The following DST variants were observed in gnomAD, a reference collection of about 807,000 sequenced individuals.
DST encodes bullous pemphigoid antigen.
In DST, 253 loss-of-function variants were observed where a neutral mutation model predicts 875.2. The ratio of observed to expected loss-of-function variants is 0.29; its 90% CI spans 0.26 to 0.32. The LOEUF (loss-of-function observed/expected upper bound fraction) is 0.32. Ranked by LOEUF, DST falls within the 10% of genes least tolerant of loss-of-function variation. The probability of loss-of-function intolerance (pLI) is 1.00; values close to 1 mark genes in which losing one functional copy is unlikely to be tolerated. For synonymous variants in DST, 3,124 were observed against 3,197.1 expected (o/e 0.98, Z 0.77); for missense variants, 8,287 against 9,111.6 (o/e 0.91, Z 3.68).
Position 56,634,919 on chromosome 6 carries a change from G to A in DST, c.3221C>T (p.Thr1074Ile). The A allele has an allele frequency of 6.2e-7, 1 of 1,613,248 alleles. No individual in the cohort carries two copies. The highest frequency in any genetic ancestry group is 8.5e-7 in the Non-Finnish European group (1 of 1,179,580). The stretch of plus-strand genomic sequence containing the variant: ...TGCTTTTCCCATTAGGTTTGCTATA[G>A]TGCTTTTGTACTGCAGAAGTTCTTC... ...EKEELLQYKS[T>I]IANLMGKAKT... Residue 1074 changes from threonine (T) to isoleucine (I), a missense_variant, in exon 25 of 104, where the codon ACT (threonine) becomes ATT (isoleucine). Around this residue, in one of 10 missense-constraint regions of DST, gnomAD observed 1,160 missense variants for 1,424.3 expected, o/e 0.81. Coordinates refer to ENST00000680361, the MANE Select transcript of DST (RefSeq NM_001374736.1).
At position 56,504,084 on chromosome 6, in the gene DST, C is replaced by A. The variant is rs1397277449; in HGVS notation, c.19479G>T (p.Trp6493Cys). The change falls in exon 78 of 104, where the codon TGG (tryptophan) becomes TGT (cysteine). Residue 6493 changes from tryptophan to cysteine, a missense_variant. This residue lies in a region of DST where 1,292 missense variants were observed against 1,552.7 expected (regional missense o/e 0.83). Transcript: ENST00000680361. ...YQDGLQAVFD[W>C]VDIAGGKLAS... ...CTAATTTACCACCTGCAATATCTAC[C>A]CAGTCAAATACCGCCTGAAAGACAC... 2 of 1,608,434 alleles carry A rather than the reference C, an allele frequency of 1.2e-6. No homozygotes were observed. The highest frequency in any genetic ancestry group is 2.2e-5 in the South Asian group (2 of 89,882).
In DST at chr6:56,627,145, T is replaced by C. The variant is rs556242912; in HGVS notation, c.4722+59A>G. On this transcript the variant is annotated intron_variant, in intron 34 of 103. Transcript: ENST00000680361. ...GAAATGACTTGCATGGCTTTAACAG[T>C]ACATGTAGAATCACAAACCTGAATA... is the stretch of plus-strand genomic sequence containing the variant. 18 of 1,237,914 alleles carry C rather than the reference T, an allele frequency of 1.5e-5. No individual in the cohort carries two copies. The South Asian group carries it at 1.8e-4, about 12-fold the overall frequency. 76.7% of individuals were successfully genotyped at this position (1,237,914 alleles called of 1,614,324 possible).
In DST at chr6:56,603,585, C is replaced by T. The variant is rs770075308; in HGVS notation, c.10920G>A (p.Lys3640=). The change falls in exon 41 of 104, where the codon AAG becomes AAA. Residue 3640 remains lysine (K), a synonymous_variant. Coordinates refer to ENST00000680361, the MANE Select transcript of DST (RefSeq NM_001374736.1). ...ESLDNNLEAL[K]NQLRQLETFE... ...TTACCTCCAACTGTCTAAGTTGATT[C>T]TTCAAAGCTTCCAAGTTGTTATCCA... 6.2e-7 allele frequency: 1 copy of T among 1,609,046 alleles called. No homozygotes were observed. Among genetic ancestry groups the T allele is most frequent in the East Asian group, 2.2e-5 (1 of 44,846 alleles).
chr6:56,649,482 G>A (rs1378770701), intron 12 of DST, among the ~76,000 whole-genome samples: 1 of 152,120 alleles, frequency 6.6e-6, no homozygotes, highest in Non-Finnish European at 1.5e-5. Context: ...TAAGAATCAG[G>A]CAAGCATATC....
At chr6:56,860,654 A>C (rs1344479527) in intron 3 of DST, among the ~76,000 whole-genome samples, 1 of 152,214 alleles carries the variant, frequency 6.6e-6, no homozygotes, top group East Asian at 1.9e-4. Flanking sequence ...ACAGGTAGGA[A>C]GCATTAGTAA....
Position 56,639,769 on chromosome 6 carries a change from T to C in DST, c.2624A>G (p.Gln875Arg). The change falls in exon 20 of 104, where the codon CAA becomes CGA. Residue 875 changes from glutamine to arginine, a missense_variant. Transcript: ENST00000680361. Reference protein sequence around the residue: ...SLKEAKISEIQMTAPLKLTYA... With the variant: ...SLKEAKISEIRMTAPLKLTYA... ...AGTCAGTTTAAGAGGTGCTGTCATTTGAATCTATAACATGAGATTAAAAAG... is the reference window on the plus strand; with the variant it reads ...AGTCAGTTTAAGAGGTGCTGTCATTCGAATCTATAACATGAGATTAAAAAG... 6.2e-7 allele frequency: 1 copy of C among 1,613,574 alleles called. No individual in the cohort carries two copies. Among genetic ancestry groups the C allele is most frequent in the South Asian group, 1.1e-5 (1 of 91,060 alleles).
intron 5 of DST, among the ~76,000 whole-genome samples, chr6:56,717,087 G>A (rs962361884): frequency 5.3e-5 from 8 of 152,096 alleles, no homozygotes; most frequent in Non-Finnish European, 1.2e-4. Flanking sequence ...GGAGGCTGAG[G>A]CAGAAGAATG....
At chr6:56,471,910 T>G (rs1336089800) in intron 94 of DST, 149 bp downstream of exon 94, 1 of 787,672 alleles carries the variant, frequency 1.3e-6, no homozygotes, top group Non-Finnish European at 2.2e-6. Context: ...CTTGTGGTAT[T>G]TATTTTGGAA....
At position 56,668,590 on chromosome 6, in the gene DST, A is replaced by T. The variant is rs1047789759; in HGVS notation, c.1214+2051T>A. On this transcript the variant is annotated intron_variant, in intron 10 of 103. Transcript: ENST00000680361. ...AATCCTGTCTCTACTAAAAATAAATAAAAAAAAATTTTAAAAAATTTAAAA... is the reference window on the plus strand; with the variant it reads ...AATCCTGTCTCTACTAAAAATAAATTAAAAAAAATTTTAAAAAATTTAAAA... Among the ~76,000 whole-genome samples the T allele has an allele frequency of 5.5e-4, 84 of 151,616 alleles. 1 individual carries two copies. Among genetic ancestry groups the T allele is most frequent in the African/African-American group, 1.4e-3 (59 of 41,330 alleles).
chr6:56,935,852 G>A (rs1405086952), intron 2 of DST, among the ~76,000 whole-genome samples: 1 of 151,184 alleles, frequency 6.6e-6, no homozygotes, highest in Non-Finnish European at 1.5e-5. Flanking sequence ...TTGAACCCGG[G>A]AGGCAGAGGT....
At position 56,513,312 on chromosome 6, in the gene DST, C is replaced by T. The variant is rs143124924; in HGVS notation, c.18577-1912G>A. Among the ~76,000 whole-genome samples the T allele has an allele frequency of 6.6e-3, 1,007 of 151,518 alleles. 10 individuals carry two copies. Among genetic ancestry groups the T allele is most frequent in the African/African-American group, 0.023 (953 of 41,320 alleles). On this transcript the variant is annotated intron_variant, in intron 72 of 103. Coordinates refer to ENST00000680361, the MANE Select transcript of DST (RefSeq NM_001374736.1). ...GTGGCACGATCTTGGCTCACCACAA[C>T]CTCCGCCTCCCAGGTTCAAGTGATT...
chr6:56,463,931 C>T (rs1198984725), intron 100 of DST, 167 bp from the exon 101 acceptor site: 9 of 765,584 alleles, frequency 1.2e-5, no homozygotes, highest in Non-Finnish European at 2.1e-5. Flanking sequence ...AAGTTAAATG[C>T]ATTCCTTTAC....
Position 56,492,402 on chromosome 6 carries a change from T to C in DST, c.20582A>G (p.Glu6861Gly), listed in dbSNP as rs1401108616. Residue 6861 changes from glutamate (E) to glycine (G), a missense_variant, in exon 85 of 104, where the codon GAG becomes GGG. By Grantham distance (98) the Glu-to-Gly change is moderately conservative (BLOSUM62 -2). This residue lies in a region of DST where 1,292 missense variants were observed against 1,552.7 expected (regional missense o/e 0.83). Transcript: ENST00000680361. ...VFANEVNSHR[E>G]QIIELDKTGT... Reference sequence around the variant, plus strand: ...AGTTTTGTCCAGCTCTATTATCTGCTCACGATGAGAATTTACTTCATTGGC... The same window carrying C: ...AGTTTTGTCCAGCTCTATTATCTGCCCACGATGAGAATTTACTTCATTGGC... 1 of 1,613,454 alleles carries C rather than the reference T, an allele frequency of 6.2e-7. No homozygotes were observed. The highest frequency in any genetic ancestry group is 1.1e-5 in the South Asian group (1 of 90,880).
At chr6:56,801,025 GAAAAAAAAAAAA>G (rs34514599) in intron 4 of DST, among the ~76,000 whole-genome samples, 4 of 66,970 alleles carry the variant, frequency 6.0e-5, no homozygotes, top group South Asian at 5.7e-4. Flanking sequence ...GTCTCAGGGA[GAAAAAAAAAAAA>G]AAAAAAAAAC....
chr6:56,665,345 G>A (rs1440095225), intron 10 of DST, among the ~76,000 whole-genome samples: 2 of 152,092 alleles, frequency 1.3e-5, no homozygotes, highest in African/African-American at 4.8e-5. Flanking sequence ...TTTCTTACAA[G>A]GGGCAAAGAC....
intron 61 of DST, among the ~76,000 whole-genome samples, chr6:56,543,188 G>C (rs1274183031): frequency 1.3e-5 from 2 of 152,220 alleles, no homozygotes; most frequent in Non-Finnish European, 2.9e-5. Flanking sequence ...ATGGGAAAAG[G>C]GGGGCTACAT....
chr6:56,723,794 G>C (rs1011754490), intron 5 of DST, among the ~76,000 whole-genome samples: 4 of 152,120 alleles, frequency 2.6e-5, no homozygotes, highest in African/African-American at 9.7e-5. Flanking sequence ...ATTAAACAGG[G>C]TTCTCTCCCA....
chr6:56,518,521 C>T (rs2096637635), intron 69 of DST, among the ~76,000 whole-genome samples: 1 of 152,084 alleles, frequency 6.6e-6, no homozygotes, highest in South Asian at 2.1e-4. Context: ...CCTGGATTTT[C>T]GTTTAAGCTT....
chr6:56,848,926 G>A (rs1195636246), intron 4 of DST, among the ~76,000 whole-genome samples: 1 of 147,580 alleles, frequency 6.8e-6, no homozygotes, highest in Non-Finnish European at 1.5e-5. Flanking sequence ...TGTGGTCCCA[G>A]CTACTTGGGA....
Sources: allele counts gnomAD v4.1 joint callset (sites outside exome capture counted in the v4.1 genomes callset), GRCh38; gene constraint gnomAD v4.1.1; regional missense constraint gnomAD v4.1.1; transcripts MANE v1.5; gene names NCBI Gene and HGNC (gene_info 2026-07-23, HGNC 2026-07-21).